AKR1C3: variants seen among roughly 807,000 people sequenced by gnomAD.
The protein encoded by AKR1C3 is aldo-keto reductase family 1 member C3.
In AKR1C3, 48 loss-of-function variants were observed where a neutral mutation model predicts 43.6. The ratio of observed to expected loss-of-function variants is 1.10; its 90% CI spans 0.87 to 1.40. The LOEUF (loss-of-function observed/expected upper bound fraction) is 1.40. Among genes scored for constraint, AKR1C3 ranks in the 40% most tolerant of loss-of-function variants. The pLI is 0.00. For synonymous variants in AKR1C3, 162 were observed against 139.6 expected, an observed-to-expected ratio of 1.16 and a Z score of -1.13; for missense variants, 482 against 391.2, an observed-to-expected ratio of 1.23 and a Z score of -1.96.
chr10:5,100,647 A>C (rs782767595), intron 5 of AKR1C3, among the ~76,000 whole-genome samples: 3 of 152,204 alleles, frequency 2.0e-5, no homozygotes, highest in Non-Finnish European at 4.4e-5. Context: ...CTTAGAGCCA[A>C]TGAGTAAAGA....
At chr10:5,097,365 G>T (rs1427482468) in intron 2 of AKR1C3, 69 bp from the exon 3 acceptor site, 2 of 1,561,560 alleles carry the variant, frequency 1.3e-6, no homozygotes, top group Non-Finnish European at 1.7e-6. Flanking sequence ...CTAAATACTA[G>T]ATGGCACAAA....
At chr10:5,081,366 G>A (rs568347504) in intron 1 of AKR1C3, among the ~76,000 whole-genome samples, 137 of 152,224 alleles carry the variant, frequency 9.0e-4, no homozygotes, top group African/African-American at 3.1e-3. Flanking sequence ...TTTGTTCTGA[G>A]GGACAGTTGG....
chr10:5,086,944 T>C (rs10904412), intron 1 of AKR1C3, among the ~76,000 whole-genome samples: 68,691 of 151,450 alleles, frequency 0.45, 16,396 homozygotes, highest in East Asian at 0.86. Context: ...TCTTCCTCCA[T>C]CCCTTTATTT....
chr10:5,082,442 T>C (rs183776180), intron 1 of AKR1C3, among the ~76,000 whole-genome samples: 46 of 152,298 alleles, frequency 3.0e-4, no homozygotes, highest in African/African-American at 1.1e-3. Flanking sequence ...TGTCCCTTAT[T>C]ATTTTGAGTC....
intron 1 of AKR1C3, among the ~76,000 whole-genome samples, chr10:5,074,453 C>G (rs1838669926): frequency 6.6e-6 from 1 of 152,212 alleles, no homozygotes; most frequent in Non-Finnish European, 1.5e-5. Flanking sequence ...TAGAGAAACT[C>G]TGCTTGGATG....
chr10:5,102,010 GATT>G, intron 5 of AKR1C3, 88 bp from the exon 6 acceptor site: 2 of 810,124 alleles, frequency 2.5e-6, no homozygotes, highest in Non-Finnish European at 4.1e-6. Flanking sequence ...ATGCTATACT[GATT>G]ATTATTCAGC....
chr10:5,076,450 C>T (rs1040685051), intron 1 of AKR1C3, among the ~76,000 whole-genome samples: 1 of 152,144 alleles, frequency 6.6e-6, no homozygotes, highest in East Asian at 1.9e-4. Flanking sequence ...AAACTAATCT[C>T]TATTCTGCAT....
intron 5 of AKR1C3, 53 bp from the exon 6 acceptor site, chr10:5,102,048 T>A: frequency 8.8e-7 from 1 of 1,136,266 alleles, no homozygotes; most frequent in South Asian, 1.3e-5. Context: ...CTTTTCAATA[T>A]TAACATAACT....
chr10:5,096,343 A>G lies in AKR1C3; in HGVS notation c.85-67A>G, dbSNP rs35567055. 8,955 of 1,548,174 alleles carry G rather than the reference A, an allele frequency of 5.8e-3. 468 individuals are homozygous for G. The African/African-American group carries it at 0.11, about 19-fold the overall frequency. On this transcript the variant is annotated intron_variant, in intron 1 of 8. Transcript: ENST00000380554. Reference sequence around the variant, plus strand: ...AAAGCTGATTCTTGTATAAAAGTCAATGCTTGTGCCTGAACTACCTCTCAG... The same window carrying G: ...AAAGCTGATTCTTGTATAAAAGTCAGTGCTTGTGCCTGAACTACCTCTCAG...
intron 1 of AKR1C3, among the ~76,000 whole-genome samples, chr10:5,062,584 C>A (rs879992670): frequency 1.2e-4 from 18 of 152,264 alleles, no homozygotes; most frequent in Non-Finnish European, 2.4e-4. Context: ...GTTCCACCTG[C>A]ACTTTCTTAT....
intron 3 of AKR1C3, 108 bp from the exon 4 acceptor site, chr10:5,098,694 G>T: frequency 1.2e-6 from 1 of 834,068 alleles, no homozygotes; most frequent in South Asian, 1.5e-5. Context: ...CTGGAGCATT[G>T]TACCACCTGT....
At chr10:5,067,643 A>C (rs1838536422) in intron 1 of AKR1C3, among the ~76,000 whole-genome samples, 1 of 152,226 alleles carries the variant, frequency 6.6e-6, no homozygotes, top group African/African-American at 2.4e-5. Flanking sequence ...ATAACAATTG[A>C]ATGACATCCT....
intron 1 of AKR1C3, among the ~76,000 whole-genome samples, chr10:5,079,660 G>A (rs974557998): frequency 8.5e-5 from 13 of 152,108 alleles, no homozygotes; most frequent in African/African-American, 2.9e-4. Flanking sequence ...CATCTGTGTG[G>A]GGACAGCCTT....
intron 1 of AKR1C3, chr10:5,048,997 T>C (rs1554778669): frequency 1.1e-6 from 1 of 894,494 alleles, no homozygotes; most frequent in Non-Finnish European, 1.8e-6. Flanking sequence ...TTACTCTGCA[T>C]GACTCCAACC....
At chr10:5,091,057 G>A (rs1839076529), upstream of AKR1C3, among the ~76,000 whole-genome samples, 1 of 151,938 alleles carries the variant, frequency 6.6e-6, no homozygotes, top group African/African-American at 2.4e-5. Flanking sequence ...ATTAGATACA[G>A]AGTGTAGAAC....
chr10:5,076,659 C>T (rs1158068854), intron 1 of AKR1C3, among the ~76,000 whole-genome samples: 38 of 152,094 alleles, frequency 2.5e-4, no homozygotes, highest in Non-Finnish European at 5.9e-5. Context: ...TGTACTAATT[C>T]ATGCCTTCTA....
intron 5 of AKR1C3, among the ~76,000 whole-genome samples, chr10:5,101,134 G>T (rs1312807820): frequency 6.6e-6 from 1 of 151,978 alleles, no homozygotes; most frequent in Non-Finnish European, 1.5e-5. Flanking sequence ...CTTTTATAGT[G>T]CTCCCTTTTA....
intron 4 of AKR1C3, 111 bp downstream of exon 4, chr10:5,098,990 AACTTT>A: frequency 1.0e-6 from 1 of 979,758 alleles, no homozygotes; most frequent in Non-Finnish European, 1.5e-6. Context: ...GAAATTCAGA[AACTTT>A]ACAAGAGTAG....
chr10:5,076,407 T>A (rs550366622), intron 1 of AKR1C3, among the ~76,000 whole-genome samples: 2 of 72,778 alleles, frequency 2.7e-5, no homozygotes, highest in East Asian at 8.4e-4. Flanking sequence ...TCTCTCTGTC[T>A]CTCTCTCTCT....
Sources: allele counts gnomAD v4.1 joint callset (sites outside exome capture counted in the v4.1 genomes callset), GRCh38; gene constraint gnomAD v4.1.1; transcripts MANE v1.5; gene names NCBI Gene and HGNC (gene_info 2026-07-23, HGNC 2026-07-21).